Variants in KANK1 observed in about 807,000 individuals in gnomAD.
The protein encoded by KANK1 is KN motif and ankyrin repeat domain-containing protein 1.
KANK1 carries 109 observed loss-of-function variants against 106.2 expected under a neutral mutation model. That is an observed-to-expected ratio of 1.03 (90% CI 0.88 to 1.20). The LOEUF is 1.20. KANK1 is among the 50% of genes most tolerant of loss of function. KANK1 has a pLI of 0.00. For synonymous variants in KANK1, 873 were observed against 652.2 expected (o/e 1.34, Z -5.16); for missense variants, 2,399 against 1,710.7 (o/e 1.40, Z -7.10).
chr9:532,193 A>G, intron 1 of KANK1, among the ~76,000 whole-genome samples: 1 of 150,374 alleles, frequency 6.7e-6, no homozygotes, highest in East Asian at 2.0e-4. Flanking sequence ...GGAGTTTGAG[A>G]GCATTCGTGT....
chr9:643,743 C>T (rs1376774125), intron 1 of KANK1, among the ~76,000 whole-genome samples: 1 of 150,006 alleles, frequency 6.7e-6, no homozygotes. Flanking sequence ...CGCTCTGTTG[C>T]CCAGGCTGGA....
At chr9:609,217 A>G (rs963840879) in intron 1 of KANK1, among the ~76,000 whole-genome samples, 2 of 152,248 alleles carry the variant, frequency 1.3e-5, no homozygotes, top group East Asian at 1.9e-4. Context: ...TAATGCCACT[A>G]TATTATTTTA....
chr9:683,457 A>C (rs764529828), intron 2 of KANK1, among the ~76,000 whole-genome samples: 1 of 152,204 alleles, frequency 6.6e-6, no homozygotes, highest in Non-Finnish European at 1.5e-5. Context: ...CCTTCCTTCC[A>C]TACTCTCAGA....
intron 2 of KANK1, among the ~76,000 whole-genome samples, chr9:706,121 T>C (rs1411896377): frequency 6.6e-6 from 1 of 152,136 alleles, no homozygotes; most frequent in Non-Finnish European, 1.5e-5. Context: ...CCATGGACAA[T>C]TGTTTGTGAA....
intron 1 of KANK1, among the ~76,000 whole-genome samples, chr9:636,926 C>T (rs1371255929): frequency 1.3e-5 from 2 of 152,184 alleles, no homozygotes; most frequent in Non-Finnish European, 2.9e-5. Context: ...ACCTTTCCCT[C>T]AGAGACTGTT....
intron 3 of KANK1, among the ~76,000 whole-genome samples, chr9:489,271 C>T (rs192111453): frequency 6.6e-6 from 1 of 152,078 alleles, no homozygotes; most frequent in Non-Finnish European, 1.5e-5. Context: ...TTTGGAAAGG[C>T]CTTTCTGATC....
At chr9:528,880 G>C (rs2059929044) in intron 1 of KANK1, among the ~76,000 whole-genome samples, 1 of 151,928 alleles carries the variant, frequency 6.6e-6, no homozygotes, top group African/African-American at 2.4e-5. Flanking sequence ...GCTCACTGCA[G>C]CCTTGACCTC....
intron 2 of KANK1, among the ~76,000 whole-genome samples, chr9:708,439 A>G (rs1468848029): frequency 1.3e-5 from 2 of 152,250 alleles, no homozygotes; most frequent in Non-Finnish European, 2.9e-5. Context: ...AGGCTAGAGC[A>G]TGACTGCTGC....
At chr9:512,230 A>AGTGTGTGTGTGTGTGTGT (rs71678968) in intron 1 of KANK1, among the ~76,000 whole-genome samples, 99 of 136,972 alleles carry the variant, frequency 7.2e-4, no homozygotes, top group African/African-American at 3.0e-3. Flanking sequence ...CATAACCAAT[A>AGTGTGTGTGTGTGTGTGT]GTGTGTGTGT....
intron 1 of KANK1, among the ~76,000 whole-genome samples, chr9:607,880 A>G (rs1588202512): frequency 6.6e-6 from 1 of 151,544 alleles, no homozygotes. Context: ...ACCTCCTTTC[A>G]TGTTCTTGGT....
intron 2 of KANK1, among the ~76,000 whole-genome samples, chr9:691,211 A>G (rs1050020325): frequency 2.6e-5 from 4 of 152,200 alleles, no homozygotes; most frequent in Non-Finnish European, 5.9e-5. Context: ...CCATAGGGTC[A>G]GATACAAGCT....
Position 608,034 on chromosome 9 carries a change from A to ATTTTTTT in KANK1, c.-83-68848_-83-68842dup, listed in dbSNP as rs35949327. Among the ~76,000 whole-genome samples the ATTTTTTT allele has an allele frequency of 1.5e-3, 175 of 115,246 alleles. 2 individuals carry two copies. The highest frequency in any genetic ancestry group is 9.4e-3 in the Middle Eastern group (2 of 212). The allele number at this position is 115,246 out of a possible 152,430, so 75.6% of individuals were successfully genotyped here. ...CAGAATTATTATTATTATTATTATT[A>ATTTTTTT]TTTTTTTTTTTTTTGAGACGGAGTC... On this transcript the variant is annotated intron_variant, in intron 1 of 11. Transcript: ENST00000382297.
intron 1 of KANK1, among the ~76,000 whole-genome samples, chr9:538,099 C>G (rs2060399243): frequency 6.6e-6 from 1 of 151,562 alleles, no homozygotes; most frequent in Admixed American, 6.6e-5. Flanking sequence ...GATGGTAGAG[C>G]TGTGGCAGAA....
intron 2 of KANK1, among the ~76,000 whole-genome samples, chr9:695,904 T>C (rs1033801068): frequency 6.6e-6 from 1 of 152,170 alleles, no homozygotes; most frequent in Non-Finnish European, 1.5e-5. Context: ...GTTATACTTA[T>C]TCATCAGTAG....
intron 3 of KANK1, among the ~76,000 whole-genome samples, chr9:493,182 T>C (rs897799681): frequency 2.0e-5 from 3 of 152,184 alleles, no homozygotes; most frequent in African/African-American, 7.2e-5. Flanking sequence ...GGTATGTCAC[T>C]TCTGAGATTC....
chr9:705,378 C>T (rs1002444370), intron 2 of KANK1, among the ~76,000 whole-genome samples: 25 of 151,940 alleles, frequency 1.6e-4, no homozygotes, highest in African/African-American at 5.6e-4. Context: ...CCCAGCTCCT[C>T]GGGAGGACGA....
rs188342496 is a variant in KANK1, at chr9:726,170, C to G, written c.2699-3881C>G. 8.6e-5 allele frequency among the ~76,000 whole-genome samples: 13 copies of G among 151,188 alleles called. No homozygotes were observed. In the East Asian group the frequency reaches 1.4e-3, roughly 16 times the overall value. ...TTCCCATGAGTCAAACAAAAGACTT[C>G]AGATTCAGATCAATTCTGGTGTGCT... On this transcript the variant is annotated intron_variant, in intron 3 of 11. Coordinates refer to ENST00000382297, the MANE Select transcript of KANK1 (RefSeq NM_015158.5).
At chr9:601,059 A>G (rs1435336479) in intron 1 of KANK1, among the ~76,000 whole-genome samples, 1 of 151,744 alleles carries the variant, frequency 6.6e-6, no homozygotes, top group Non-Finnish European at 1.5e-5. Flanking sequence ...GCCAGATGGA[A>G]GTGAGGAGTA....
chr9:556,695 TTTCTC>T (rs2061606931), intron 1 of KANK1, among the ~76,000 whole-genome samples: 1 of 752 alleles, frequency 1.3e-3, no homozygotes, highest in South Asian at 0.021. Context: ...CTTTGGTACT[TTTCTC>T]TCTAGCTCTT....
Sources: allele counts gnomAD v4.1 joint callset (sites outside exome capture counted in the v4.1 genomes callset), GRCh38; gene constraint gnomAD v4.1.1; transcripts MANE v1.5; gene names NCBI Gene and HGNC (gene_info 2026-07-23, HGNC 2026-07-21).